Variants in CWF19L2 observed in about 807,000 individuals in gnomAD.
CWF19L2 encodes the protein CWF19-like protein 2.
In CWF19L2, 98 loss-of-function variants were observed where a neutral mutation model predicts 111.7. That is an observed-to-expected ratio of 0.88 (90% CI 0.75 to 1.04). The LOEUF (loss-of-function observed/expected upper bound fraction) is 1.04. Ranked by LOEUF, CWF19L2 falls within the 50% of genes least tolerant of loss-of-function variation. The probability of loss-of-function intolerance (pLI) is 0.00; values close to 1 mark genes in which losing one functional copy is unlikely to be tolerated. For synonymous variants in CWF19L2, 351 were observed against 342.9 expected (o/e 1.02, Z -0.26); for missense variants, 1,101 against 1,051.4 (o/e 1.05, Z -0.65).
intron 8 of CWF19L2, among the ~76,000 whole-genome samples, chr11:107,427,303 T>C (rs1279633132): frequency 6.6e-6 from 1 of 151,984 alleles, no homozygotes; most frequent in Non-Finnish European, 1.5e-5. Context: ...TCAAACCCTC[T>C]GTACCATCAA....
In CWF19L2 at chr11:107,455,668, G is replaced by A; in HGVS notation, c.214C>T (p.Gln72Ter). Residue 72 changes from glutamine to a stop codon, truncating the protein, a stop_gained and splice_region_variant, in exon 2 of 18, where the codon CAG becomes TAG. Coordinates refer to ENST00000282251, the MANE Select transcript of CWF19L2 (RefSeq NM_152434.3). LOFTEE classifies it high-confidence loss of function. ...DVNERIEQFS[Q>*]EHSVKKKKKK... The stretch of plus-strand genomic sequence containing the variant: ...CACGTAAACCTGTTAGTATTCACCT[G>A]TGAGAACTGTTCAATTCTCTCATTC... 1 of 1,535,258 alleles carries A rather than the reference G, an allele frequency of 6.5e-7. No individual in the cohort carries two copies. Among genetic ancestry groups the A allele is most frequent in the Non-Finnish European group, 8.8e-7 (1 of 1,133,818 alleles).
At chr11:107,395,322 T>C (rs1860906808) in intron 10 of CWF19L2, among the ~76,000 whole-genome samples, 4 of 152,232 alleles carry the variant, frequency 2.6e-5, no homozygotes. Flanking sequence ...CCCAGCCATG[T>C]GGAACTGTAA....
At chr11:107,368,441 A>G (rs538340327) in intron 12 of CWF19L2, among the ~76,000 whole-genome samples, 1 of 138,672 alleles carries the variant, frequency 7.2e-6, no homozygotes, top group African/African-American at 2.9e-5. Flanking sequence ...TAAGTATTTA[A>G]GCATGCTAAA....
intron 14 of CWF19L2, among the ~76,000 whole-genome samples, chr11:107,342,599 T>C (rs1860021021): frequency 1.3e-5 from 2 of 152,176 alleles, no homozygotes; most frequent in Admixed American, 1.3e-4. Context: ...CTGAAAAAAA[T>C]GTTTTCTAAT....
At chr11:107,408,466 G>A (rs569589452) in intron 10 of CWF19L2, among the ~76,000 whole-genome samples, 6 of 152,020 alleles carry the variant, frequency 3.9e-5, no homozygotes, top group South Asian at 2.1e-4. Flanking sequence ...ACCATTTCAC[G>A]ATGAATTTTA....
intron 10 of CWF19L2, chr11:107,404,001 T>G: frequency 6.2e-6 from 5 of 804,216 alleles, no homozygotes; most frequent in Middle Eastern, 3.5e-4. Flanking sequence ...ACACTCTCAC[T>G]AAGGATTTCA....
rs189125846 is a variant in CWF19L2, at chr11:107,337,791, A to C, written c.2203-1078T>G. ...GAAAGTATATTTAAGTAGGAAGATAAAATGTATTTTATTTAGATTTGTCAG... is the reference window on the plus strand; with the variant it reads ...GAAAGTATATTTAAGTAGGAAGATACAATGTATTTTATTTAGATTTGTCAG... On this transcript the variant is annotated intron_variant, in intron 14 of 17. Transcript: ENST00000282251. 4.6e-5 allele frequency among the ~76,000 whole-genome samples: 7 copies of C among 152,268 alleles called. No homozygotes were observed. In the East Asian group the frequency reaches 1.4e-3, roughly 29 times the overall value.
chr11:107,404,564 G>A, intron 10 of CWF19L2: 1 of 648,536 alleles, frequency 1.5e-6, no homozygotes, highest in African/African-American at 1.9e-5. Context: ...GGTGGGAGGT[G>A]GGGCATAAGA....
At chr11:107,415,834 G>A (rs181545895) in intron 10 of CWF19L2, among the ~76,000 whole-genome samples, 60 of 152,146 alleles carry the variant, frequency 3.9e-4, no homozygotes, top group African/African-American at 1.3e-3. Flanking sequence ...ACAGTAACTC[G>A]CATCTGTAAT....
At chr11:107,345,730 C>T (rs473520) in intron 14 of CWF19L2, among the ~76,000 whole-genome samples, 1 of 151,988 alleles carries the variant, frequency 6.6e-6, no homozygotes, top group African/African-American at 2.4e-5. Context: ...GAATAATTTG[C>T]GTTTGATCAA....
chr11:107,434,892 C>T (rs1471861832), intron 6 of CWF19L2, among the ~76,000 whole-genome samples: 2 of 151,848 alleles, frequency 1.3e-5, no homozygotes, highest in African/African-American at 4.8e-5. Context: ...GTGCTGAGTA[C>T]ACAAACGTTT....
chr11:107,334,999 G>T, intron 15 of CWF19L2, 38 bp from the exon 16 acceptor site: 1 of 1,291,726 alleles, frequency 7.7e-7, no homozygotes, highest in East Asian at 2.3e-5. Context: ...AAAAGAACAT[G>T]TAAGTAAATA....
chr11:107,332,135 C>T (rs574887398), intron 16 of CWF19L2, among the ~76,000 whole-genome samples: 1 of 152,342 alleles, frequency 6.6e-6, no homozygotes, highest in East Asian at 1.9e-4. Context: ...GGTAAACCCA[C>T]ATTCTCGTGA....
At chr11:107,394,442 T>A (rs1214666313) in intron 10 of CWF19L2, among the ~76,000 whole-genome samples, 3 of 152,186 alleles carry the variant, frequency 2.0e-5, no homozygotes, top group East Asian at 3.8e-4. Flanking sequence ...CTAAGTCCAA[T>A]ACATAATTAT....
At chr11:107,434,917 T>C (rs570268941) in intron 6 of CWF19L2, among the ~76,000 whole-genome samples, 61 of 152,130 alleles carry the variant, frequency 4.0e-4, no homozygotes, top group Non-Finnish European at 5.1e-4. Flanking sequence ...TTTATGAAAA[T>C]GATCAGTCTG....
At chr11:107,444,276 C>T (rs1226877582) in intron 3 of CWF19L2, among the ~76,000 whole-genome samples, 1 of 152,128 alleles carries the variant, frequency 6.6e-6, no homozygotes, top group Non-Finnish European at 1.5e-5. Flanking sequence ...AATACATCTA[C>T]TGTCCCCATT....
intron 6 of CWF19L2, among the ~76,000 whole-genome samples, chr11:107,438,518 CATT>C (rs1861573258): frequency 6.6e-6 from 1 of 152,056 alleles, no homozygotes; most frequent in African/African-American, 2.4e-5. Flanking sequence ...AAACCAAATG[CATT>C]ATTATGTACT....
At chr11:107,352,562 C>A (rs768906754) in intron 13 of CWF19L2, among the ~76,000 whole-genome samples, 3 of 151,992 alleles carry the variant, frequency 2.0e-5, no homozygotes, top group Non-Finnish European at 4.4e-5. Context: ...AAGTTATAAC[C>A]ATGTTGTTTA....
chr11:107,344,128 G>T (rs746716822), intron 14 of CWF19L2, among the ~76,000 whole-genome samples: 2 of 152,116 alleles, frequency 1.3e-5, no homozygotes. Context: ...CACAAGAATC[G>T]ATTGAACCCA....
Sources: allele counts gnomAD v4.1 joint callset (sites outside exome capture counted in the v4.1 genomes callset), GRCh38; gene constraint gnomAD v4.1.1; transcripts MANE v1.5; gene names NCBI Gene and HGNC (gene_info 2026-07-23, HGNC 2026-07-21).